Variants in MYADM observed in about 807,000 individuals in gnomAD.
MYADM encodes the protein myeloid associated differentiation marker, also known as myeloid-associated differentiation marker.
For missense variants in MYADM, 416 were observed against 443.4 expected (o/e 0.94, Z 0.56); for synonymous variants, 224 against 210.2 (o/e 1.07, Z -0.57).
intron 2 of MYADM, among the ~76,000 whole-genome samples, chr19:53,871,720 A>C (rs1286772389): frequency 6.6e-6 from 1 of 151,910 alleles, no homozygotes; most frequent in Non-Finnish European, 1.5e-5. Context: ...TGTTCGATGG[A>C]AGAAGGAAGT....
In MYADM at chr19:53,874,344, G is replaced by A. The variant is rs150128827; in HGVS notation, c.815G>A (p.Arg272Gln). ...GATGAGAAGTATGGCGGCCAGCCTC[G>A]GCGCTCGAGAGATGTAAGCTGCAGC... ...QFDEKYGGQPRRSRDVSCSRS... is the reference protein window; with the variant it reads ...QFDEKYGGQPQRSRDVSCSRS... Residue 272 changes from arginine to glutamine, a missense_variant, in exon 3 of 3, where the codon CGG becomes CAG. By Grantham distance (43) the Arg-to-Gln change is conservative (BLOSUM62 1). Coordinates refer to ENST00000391770, the MANE Select transcript of MYADM (RefSeq NM_138373.5). 1.2e-6 allele frequency: 2 copies of A among 1,613,320 alleles called. No homozygotes were observed. The highest frequency in any genetic ancestry group is 1.7e-6 in the Non-Finnish European group (2 of 1,179,414).
In MYADM at chr19:53,874,447, G is replaced by C. The variant is rs374677377; in HGVS notation, c.918G>C (p.Ala306=). ...VAILTAINLL[A]YVADLVHSAH... Reference sequence around the variant, plus strand: ...TCCTGACGGCCATCAACCTACTGGCGTATGTGGCTGACCTGGTGCACTCTG... The same window carrying C: ...TCCTGACGGCCATCAACCTACTGGCCTATGTGGCTGACCTGGTGCACTCTG... The change falls in exon 3 of 3, where the codon GCG becomes GCC. Residue 306 remains alanine, a synonymous_variant. Transcript: ENST00000391770. The C allele has an allele frequency of 1.7e-5, 27 of 1,613,756 alleles. No individual in the cohort carries two copies. Among genetic ancestry groups the C allele is most frequent in the Non-Finnish European group, 2.3e-5 (27 of 1,179,740 alleles).
chr19:53,867,081 C>T (rs966795839), upstream of MYADM, among the ~76,000 whole-genome samples: 2 of 152,158 alleles, frequency 1.3e-5, no homozygotes, highest in South Asian at 4.1e-4. Context: ...CCCAACACAC[C>T]CCACCCCTAT....
At position 53,867,923 on chromosome 19, in the gene MYADM, A is replaced by T. The variant is rs1408856966; in HGVS notation, c.-108A>T. On this transcript the variant is annotated 5_prime_UTR_variant, in exon 1 of 3. Coordinates refer to ENST00000391770, the MANE Select transcript of MYADM (RefSeq NM_138373.5). ...CCGCTGTCGTCTTTGCTTCAGCCGC[A>T]GTCGCCACTGGCTGCCTGAGGTGAG... 1 of 150,314 alleles carries T rather than the reference A, an allele frequency of 6.7e-6. No homozygotes were observed. Among genetic ancestry groups the T allele is most frequent in the Non-Finnish European group, 1.5e-5 (1 of 67,644 alleles). The allele number at this position is 150,314 out of a possible 1,614,324, so 9.3% of individuals were successfully genotyped here.
upstream of MYADM, among the ~76,000 whole-genome samples, chr19:53,866,759 A>G (rs1033200574): frequency 6.6e-6 from 1 of 152,110 alleles, no homozygotes; most frequent in Non-Finnish European, 1.5e-5. The surrounding 1 kb of genome is among the most constrained non-coding windows in gnomAD (Gnocchi z 4.3). Flanking sequence ...TTCCAGACCC[A>G]GGCGGCTAGG....
rs757884159 is a variant in MYADM at position 53,873,618 on chromosome 19, G to A, written c.89G>A (p.Arg30Gln). 9.9e-6 allele frequency: 16 copies of A among 1,614,062 alleles called. No individual in the cohort carries two copies. Among genetic ancestry groups the A allele is most frequent in the Non-Finnish European group, 1.3e-5 (15 of 1,180,006 alleles). Residue 30 changes from arginine (R) to glutamine (Q), a missense_variant, in exon 3 of 3, where the codon CGG becomes CAG. Transcript: ENST00000391770. This position sits in a 1 kb window ranked among gnomAD's most constrained non-coding sequence, Gnocchi z 4.3. Reference sequence around the variant, plus strand: ...TCCCCCATGATCGTGGGGTCCCCTCGGGCCCTGACACAGCCCCTGGGTCTC... The same window carrying A: ...TCCCCCATGATCGTGGGGTCCCCTCAGGCCCTGACACAGCCCCTGGGTCTC... The part of the protein sequence containing the change: ...LGSPMIVGSP[R>Q]ALTQPLGLLR...
rs2068455707 is a variant in MYADM at position 53,873,953 on chromosome 19, T to A, written c.424T>A (p.Phe142Ile). 6.2e-7 allele frequency: 1 copy of A among 1,610,796 alleles called. No individual in the cohort carries two copies. Among genetic ancestry groups the A allele is most frequent in the African/African-American group, 1.3e-5 (1 of 75,068 alleles). ...RSRDHAIAAT[F>I]FSCIACVAYA... ...GCGGGACCACGCCATCGCCGCCACC[T>A]TCTTCTCCTGCATCGCGTGTGTGGC... Residue 142 changes from phenylalanine (F) to isoleucine (I), a missense_variant, in exon 3 of 3, where the codon TTC (phenylalanine) becomes ATC (isoleucine). By Grantham distance (21) the Phe-to-Ile change is conservative (BLOSUM62 0). Coordinates refer to ENST00000391770, the MANE Select transcript of MYADM (RefSeq NM_138373.5). The surrounding 1 kb of genome is among the most constrained non-coding windows in gnomAD (Gnocchi z 4.3).
Position 53,875,835 on chromosome 19 carries a change from G to T in MYADM, c.*1337G>T. ...ACTGTGCTCCAGCCTGGGGGACAGAGCGAGACTCCATCTCAAAAAAAAAAA... is the reference window on the plus strand; with the variant it reads ...ACTGTGCTCCAGCCTGGGGGACAGATCGAGACTCCATCTCAAAAAAAAAAA... On this transcript the variant is annotated 3_prime_UTR_variant, in exon 3 of 3. Coordinates refer to ENST00000391770, the MANE Select transcript of MYADM (RefSeq NM_138373.5). 6.1e-6 allele frequency: 1 copy of T among 164,584 alleles called. No homozygotes were observed. The allele number at this position is 164,584 out of a possible 1,614,324, so 10.2% of individuals were successfully genotyped here. A position where few individuals can be genotyped will look rare whatever the true frequency, so the allele number is the denominator to read the frequency against.
upstream of MYADM, chr19:53,865,721 A>AT (rs2068237908): frequency 2.6e-5 from 4 of 152,204 alleles, no homozygotes; most frequent in African/African-American, 9.7e-5. Flanking sequence ...ACCACGAGGA[A>AT]TAACACAGTA....
At chr19:53,867,148 G>A (rs1483975220), upstream of MYADM, among the ~76,000 whole-genome samples, 1 of 152,164 alleles carries the variant, frequency 6.6e-6, no homozygotes, top group African/African-American at 2.4e-5. Flanking sequence ...GCGGCGCCCG[G>A]TGCCAGTGGG....
chr19:53,873,522 T>C lies in MYADM; in HGVS notation c.-2-6T>C, dbSNP rs759484453. The stretch of plus-strand genomic sequence containing the variant: ...TATAAGGACACTGTCTTTCCCCTTT[T>C]TGCAGCCATGCCAGTGACGGTAACC... On this transcript the variant is annotated splice_polypyrimidine_tract_variant and splice_region_variant and intron_variant, in intron 2 of 2. Coordinates refer to ENST00000391770, the MANE Select transcript of MYADM (RefSeq NM_138373.5). The surrounding 1 kb of genome is among the most constrained non-coding windows in gnomAD (Gnocchi z 4.3). The C allele has an allele frequency of 1.9e-6, 3 of 1,592,042 alleles. No individual in the cohort carries two copies. Among genetic ancestry groups the C allele is most frequent in the South Asian group, 1.1e-5 (1 of 89,098 alleles).
Position 53,868,602 on chromosome 19 carries a change from G to A in MYADM, c.-88+659G>A, listed in dbSNP as rs902072194. 1.3e-5 allele frequency among the ~76,000 whole-genome samples: 2 copies of A among 152,118 alleles called. No homozygotes were observed. Among genetic ancestry groups the A allele is most frequent in the African/African-American group, 2.4e-5 (1 of 41,422 alleles). On this transcript the variant is annotated intron_variant, in intron 1 of 2. Coordinates refer to ENST00000391770, the MANE Select transcript of MYADM (RefSeq NM_138373.5). The surrounding 1 kb of genome is among the most constrained non-coding windows in gnomAD (Gnocchi z 6.3). ...GGAAAGGAGGAGAAGACAGGGCTGC[G>A]TCCCGCACCTCTGGGTGCCGAGAGC...
chr19:53,873,732 C>G lies in MYADM; in HGVS notation c.203C>G (p.Ser68Cys), dbSNP rs1181939721. 2.5e-6 allele frequency: 4 copies of G among 1,613,990 alleles called. No individual in the cohort carries two copies. The highest frequency in any genetic ancestry group is 1.1e-5 in the South Asian group (1 of 91,090). ...TGGACGGGGTCCATGGGCAACTGGT[C>G]CATGTTCACCTGGTGCTTCTGCTTC... is the stretch of plus-strand genomic sequence containing the variant. ...GAWTGSMGNWSMFTWCFCFSV... is the reference protein window; with the variant it reads ...GAWTGSMGNWCMFTWCFCFSV... Residue 68 changes from serine to cysteine, a missense_variant, in exon 3 of 3, where the codon TCC (serine) becomes TGC (cysteine). By Grantham distance (112) the Ser-to-Cys change is moderately radical (BLOSUM62 -1). Transcript: ENST00000391770. The surrounding 1 kb of genome is among the most constrained non-coding windows in gnomAD (Gnocchi z 4.3).
chr19:53,875,404 G>T lies in MYADM; in HGVS notation c.*906G>T, dbSNP rs1044306811. 1 of 166,864 alleles carries T rather than the reference G, an allele frequency of 6.0e-6. No individual in the cohort carries two copies. Among genetic ancestry groups the T allele is most frequent in the Non-Finnish European group, 1.5e-5 (1 of 68,108 alleles). The allele number at this position is 166,864 out of a possible 1,614,324, so 10.3% of individuals were successfully genotyped here. ...CACCGACCCTGGGTCCCTAGGCCCCGCCTGGCACTCAGCCTTGCCAGAGAT... is the reference window on the plus strand; with the variant it reads ...CACCGACCCTGGGTCCCTAGGCCCCTCCTGGCACTCAGCCTTGCCAGAGAT... On this transcript the variant is annotated 3_prime_UTR_variant, in exon 3 of 3. Transcript: ENST00000391770.
At position 53,874,129 on chromosome 19, in the gene MYADM, G is replaced by T; in HGVS notation, c.600G>T (p.Gln200His). ...GCGACCCCAACCTGTACCAGCACCAGCCGGCCCTGGAGTGGTGCGTGGCGG... is the reference window on the plus strand; with the variant it reads ...GCGACCCCAACCTGTACCAGCACCATCCGGCCCTGGAGTGGTGCGTGGCGG... Reference protein sequence around the residue: ...FISDPNLYQHQPALEWCVAVY... With the variant: ...FISDPNLYQHHPALEWCVAVY... The change falls in exon 3 of 3, where the codon CAG (glutamine) becomes CAT (histidine). Residue 200 changes from glutamine to histidine, a missense_variant. Coordinates refer to ENST00000391770, the MANE Select transcript of MYADM (RefSeq NM_138373.5). The T allele has an allele frequency of 6.2e-7, 1 of 1,613,292 alleles. No homozygotes were observed. Among genetic ancestry groups the T allele is most frequent in the Non-Finnish European group, 8.5e-7 (1 of 1,180,036 alleles).
upstream of MYADM, among the ~76,000 whole-genome samples, chr19:53,866,839 A>G (rs1389696301): frequency 2.0e-5 from 3 of 152,170 alleles, no homozygotes; most frequent in African/African-American, 2.4e-5. This position sits in a 1 kb window ranked among gnomAD's most constrained non-coding sequence, Gnocchi z 4.3. Flanking sequence ...ATGATGATTT[A>G]TTTTTAATAG....
Position 53,873,799 on chromosome 19 carries a change from C to G in MYADM, c.270C>G (p.Leu90=). 1 of 1,613,836 alleles carries G rather than the reference C, an allele frequency of 6.2e-7. No individual in the cohort carries two copies. Among genetic ancestry groups the G allele is most frequent in the Non-Finnish European group, 8.5e-7 (1 of 1,180,038 alleles). ...TCCTCATCGTGGAGCTGTGCGGGCT[C>G]CAGGCCCGCTTCCCCCTGTCTTGGC... is the stretch of plus-strand genomic sequence containing the variant. The part of the protein sequence containing the change: ...LIILIVELCG[L]QARFPLSWRN... Residue 90 remains leucine (L), a synonymous_variant, in exon 3 of 3, where the codon CTC becomes CTG. Coordinates refer to ENST00000391770, the MANE Select transcript of MYADM (RefSeq NM_138373.5). This position sits in a 1 kb window ranked among gnomAD's most constrained non-coding sequence, Gnocchi z 4.3.
rs369701605 is a variant in MYADM, at chr19:53,874,081, C to T, written c.552C>T (p.Ala184=). The change falls in exon 3 of 3, where the codon GCC becomes GCT. Residue 184 remains alanine, a synonymous_variant. Transcript: ENST00000391770. The part of the protein sequence containing the change: ...GLLKVLETFV[A]CIIFAFISDP... ...TGAAGGTGCTGGAGACCTTCGTTGCCTGCATCATCTTCGCGTTCATCAGCG... is the reference window on the plus strand; with the variant it reads ...TGAAGGTGCTGGAGACCTTCGTTGCTTGCATCATCTTCGCGTTCATCAGCG... 1.6e-4 allele frequency: 254 copies of T among 1,611,590 alleles called. No individual in the cohort carries two copies. Among genetic ancestry groups the T allele is most frequent in the Non-Finnish European group, 1.6e-4 (191 of 1,180,040 alleles).
chr19:53,871,442 G>C (rs185056245), intron 2 of MYADM, among the ~76,000 whole-genome samples: 238 of 152,234 alleles, frequency 1.6e-3, no homozygotes, highest in Non-Finnish European at 2.9e-3. Context: ...TTTTTGGGTT[G>C]CAGTACTCCA....
Sources: allele counts gnomAD v4.1 joint callset (sites outside exome capture counted in the v4.1 genomes callset), GRCh38; gene constraint gnomAD v4.1.1; non-coding constraint Gnocchi (gnomAD v3.1); transcripts MANE v1.5; gene names NCBI Gene and HGNC (gene_info 2026-07-23, HGNC 2026-07-21).